Variants in MEI4 observed in about 807,000 individuals in gnomAD.
MEI4 encodes meiotic double-stranded break formation protein 4.
A neutral mutation model predicts 31.4 loss-of-function variants in MEI4; 27 were observed. That is an observed-to-expected ratio of 0.86 (90% CI 0.63 to 1.19). MEI4 has a LOEUF of 1.19. Among genes scored for constraint, MEI4 ranks in the 50% most tolerant of loss-of-function variants. MEI4 has a pLI of 0.00. For missense variants in MEI4, 329 were observed against 398.9 expected (o/e 0.82, Z 1.49); for synonymous variants, 122 against 145.4 (o/e 0.84, Z 1.16).
chr6:77,661,557 G>A (rs1475669735), intron 1 of MEI4, among the ~76,000 whole-genome samples: 1 of 152,156 alleles, frequency 6.6e-6, no homozygotes, highest in Non-Finnish European at 1.5e-5. Flanking sequence ...GTAGGAATGG[G>A]AGGAGGCCTG....
chr6:77,735,339 A>G (rs1561964803), intron 2 of MEI4, among the ~76,000 whole-genome samples: 1 of 151,512 alleles, frequency 6.6e-6, no homozygotes, highest in Non-Finnish European at 1.5e-5. Flanking sequence ...ATTTCTTTTT[A>G]TTCTTTTTTC....
intron 1 of MEI4, among the ~76,000 whole-genome samples, chr6:77,662,643 G>A (rs1275408576): frequency 1.3e-5 from 2 of 152,300 alleles, no homozygotes; most frequent in Non-Finnish European, 2.9e-5. Flanking sequence ...GCCACTGCAC[G>A]CAGACATGAG....
intron 4 of MEI4, among the ~76,000 whole-genome samples, chr6:77,896,752 T>C (rs570114465): frequency 2.1e-4 from 32 of 152,176 alleles, no homozygotes; most frequent in Non-Finnish European, 1.0e-4. Context: ...CTACTGTCTA[T>C]GAAGGATTTT....
intron 3 of MEI4, among the ~76,000 whole-genome samples, chr6:77,814,003 A>G (rs186698589): frequency 4.6e-5 from 7 of 152,246 alleles, no homozygotes; most frequent in Admixed American, 4.6e-4. Context: ...GATTTTTCAC[A>G]AGACCTTCAG....
At chr6:77,851,240 A>G (rs1337914591) in intron 4 of MEI4, among the ~76,000 whole-genome samples, 34 of 152,320 alleles carry the variant, frequency 2.2e-4, no homozygotes, top group Admixed American at 6.5e-4. Context: ...TTCCTCAGGG[A>G]TCTAGAACTA....
In MEI4 at chr6:77,907,349, C is replaced by T. The variant is rs1348654889; in HGVS notation, c.901-15740C>T. On this transcript the variant is annotated intron_variant, in intron 4 of 4. Transcript: ENST00000684080. ...TCCCCTTCCTGTGTCCATGTGTTCT[C>T]ATTGTTCAATTCCCACCTATGAGTG... Among the ~76,000 whole-genome samples the T allele has an allele frequency of 2.0e-5, 3 of 152,114 alleles. No individual in the cohort carries two copies. In the East Asian group the frequency reaches 5.8e-4, roughly 29 times the overall value.
At chr6:77,728,464 A>T (rs1166353304) in intron 2 of MEI4, among the ~76,000 whole-genome samples, 1 of 152,198 alleles carries the variant, frequency 6.6e-6, no homozygotes, top group Non-Finnish European at 1.5e-5. Context: ...AAACACTTTG[A>T]TTTCTGGAAG....
At chr6:77,822,417 C>G (rs62427312) in intron 3 of MEI4, among the ~76,000 whole-genome samples, 110 of 152,168 alleles carry the variant, frequency 7.2e-4, no homozygotes, top group Admixed American at 2.5e-3. Flanking sequence ...AAAATATTAA[C>G]CAGTTTTGTG....
chr6:77,883,743 T>A (rs1056667101), intron 4 of MEI4, among the ~76,000 whole-genome samples: 3 of 131,710 alleles, frequency 2.3e-5, no homozygotes, highest in African/African-American at 3.3e-5. Context: ...TATATATATA[T>A]AACTTTGTCT....
At chr6:77,709,039 T>C (rs567008871) in intron 2 of MEI4, among the ~76,000 whole-genome samples, 1 of 152,360 alleles carries the variant, frequency 6.6e-6, no homozygotes, top group African/African-American at 2.4e-5. Flanking sequence ...AAAGATATCA[T>C]ACCTTTTCTG....
At chr6:77,712,679 C>G (rs1483556207) in intron 2 of MEI4, among the ~76,000 whole-genome samples, 1 of 152,042 alleles carries the variant, frequency 6.6e-6, no homozygotes, top group African/African-American at 2.4e-5. Flanking sequence ...AAGAAAGGAA[C>G]AACAAAAGGA....
chr6:77,868,692 C>G (rs780574623), intron 4 of MEI4, among the ~76,000 whole-genome samples: 2 of 151,198 alleles, frequency 1.3e-5, no homozygotes, highest in Admixed American at 6.6e-5. Context: ...AGGTAAGAAG[C>G]CATATCTAAA....
chr6:77,665,136 A>G (rs1479852120), intron 1 of MEI4, among the ~76,000 whole-genome samples: 3 of 151,552 alleles, frequency 2.0e-5, no homozygotes, highest in Non-Finnish European at 2.9e-5. Context: ...AGGTCGGGGC[A>G]TGGAAATAAG....
chr6:77,748,846 G>T (rs193048438), intron 2 of MEI4, among the ~76,000 whole-genome samples: 225 of 152,230 alleles, frequency 1.5e-3, no homozygotes, highest in African/African-American at 5.2e-3. Context: ...CCCAGTAGGG[G>T]CCGACAGACA....
intron 2 of MEI4, among the ~76,000 whole-genome samples, chr6:77,738,470 A>G (rs529877545): frequency 6.6e-6 from 1 of 151,928 alleles, no homozygotes; most frequent in African/African-American, 2.4e-5. Flanking sequence ...TTTTATCAGT[A>G]TTTTCTTTAT....
In MEI4 at chr6:77,847,214, C is replaced by T. The variant is rs924505717; in HGVS notation, c.900+18152C>T. 2.0e-5 allele frequency among the ~76,000 whole-genome samples: 3 copies of T among 152,020 alleles called. No homozygotes were observed. The highest frequency in any genetic ancestry group is 7.2e-5 in the African/African-American group (3 of 41,392). On this transcript the variant is annotated intron_variant, in intron 4 of 4. Transcript: ENST00000684080. The surrounding 1 kb of genome is among the most constrained non-coding windows in gnomAD (Gnocchi z 4.6). Reference sequence around the variant, plus strand: ...GTGTATGGAGCCAGTATATACAGAACAAATAGTTGTGGAAGATCCAGGTGT... The same window carrying T: ...GTGTATGGAGCCAGTATATACAGAATAAATAGTTGTGGAAGATCCAGGTGT...
At chr6:77,704,957 G>A (rs141078770) in intron 2 of MEI4, among the ~76,000 whole-genome samples, 338 of 152,158 alleles carry the variant, frequency 2.2e-3, no homozygotes, top group African/African-American at 7.4e-3. Flanking sequence ...TGAGCTGAGT[G>A]GCAGAAATGA....
intron 3 of MEI4, among the ~76,000 whole-genome samples, chr6:77,779,424 A>G (rs1444017653): frequency 6.6e-6 from 1 of 152,224 alleles, no homozygotes; most frequent in Non-Finnish European, 1.5e-5. Context: ...AAGATATTCT[A>G]AAATCTTAAT....
intron 4 of MEI4, among the ~76,000 whole-genome samples, chr6:77,859,268 T>TG (rs749282431): frequency 2.0e-5 from 3 of 152,216 alleles, no homozygotes; most frequent in Non-Finnish European, 4.4e-5. Flanking sequence ...AGTCTATCAT[T>TG]GATGTACATT....
Sources: allele counts gnomAD v4.1 joint callset (sites outside exome capture counted in the v4.1 genomes callset), GRCh38; gene constraint gnomAD v4.1.1; non-coding constraint Gnocchi (gnomAD v3.1); transcripts MANE v1.5; gene names NCBI Gene and HGNC (gene_info 2026-07-23, HGNC 2026-07-21).